MAGI2: variants seen among roughly 807,000 people sequenced by gnomAD.
MAGI2 encodes membrane-associated guanylate kinase, WW and PDZ domain-containing protein 2.
Under a neutral mutation model 133.3 loss-of-function variants are expected in MAGI2, and 35 were observed. The ratio of observed to expected loss-of-function variants is 0.26; its 90% CI spans 0.20 to 0.35. The LOEUF is 0.35. MAGI2 is among the 10% of genes least tolerant of loss of function. MAGI2 has a pLI of 1.00. For missense variants in MAGI2, 1,636 were observed against 1,863.4 expected (o/e 0.88, Z 2.25); for synonymous variants, 729 against 710.6 (o/e 1.03, Z -0.41).
chr7:78,663,392 A>G, intron 2 of MAGI2, among the ~76,000 whole-genome samples: 1 of 151,960 alleles, frequency 6.6e-6, no homozygotes, highest in East Asian at 1.9e-4. Flanking sequence ...TTTTTAGTAC[A>G]GATGGGGTTT....
intron 2 of MAGI2, among the ~76,000 whole-genome samples, chr7:78,674,329 T>C (rs1194084526): frequency 1.3e-5 from 2 of 151,832 alleles, no homozygotes; most frequent in East Asian, 3.9e-4. Context: ...AAGAAAACAA[T>C]ATTTCTTTGA....
chr7:79,123,848 G>A (rs545744110), intron 1 of MAGI2, among the ~76,000 whole-genome samples: 10 of 147,824 alleles, frequency 6.8e-5, no homozygotes, highest in Admixed American at 4.1e-4. Flanking sequence ...CATCTGTAAC[G>A]TGGTATCTAT....
intron 21 of MAGI2, among the ~76,000 whole-genome samples, chr7:78,034,278 A>G (rs1203543584): frequency 6.6e-6 from 1 of 152,148 alleles, no homozygotes; most frequent in African/African-American, 2.4e-5. Flanking sequence ...GGGGGGAAAA[A>G]AGACGAAAGG....
chr7:78,641,990 C>A (rs963497028), intron 2 of MAGI2, among the ~76,000 whole-genome samples: 1 of 152,120 alleles, frequency 6.6e-6, no homozygotes, highest in African/African-American at 2.4e-5. Flanking sequence ...ATCTTGTTGA[C>A]CTTGCTTCCA....
chr7:79,420,842 C>T (rs538522422), intron 1 of MAGI2, among the ~76,000 whole-genome samples: 11 of 152,118 alleles, frequency 7.2e-5, no homozygotes, highest in African/African-American at 2.4e-4. Context: ...ATTTCTGTTG[C>T]ACTATTTCTT....
At chr7:79,445,212 C>T (rs886607398) in intron 1 of MAGI2, among the ~76,000 whole-genome samples, 2 of 152,106 alleles carry the variant, frequency 1.3e-5, no homozygotes, top group Non-Finnish European at 2.9e-5. Context: ...CATAAAAACC[C>T]TAGAAGAAAA....
At chr7:78,573,235 T>TATATATAA (rs1801779945) in intron 3 of MAGI2, among the ~76,000 whole-genome samples, 2 of 51,014 alleles carry the variant, frequency 3.9e-5, no homozygotes, top group African/African-American at 1.9e-4. Context: ...TAAATATAAA[T>TATATATAA]ATATATATAT....
chr7:78,711,953 C>G (rs1819237350), intron 2 of MAGI2, among the ~76,000 whole-genome samples: 1 of 152,082 alleles, frequency 6.6e-6, no homozygotes, highest in Non-Finnish European at 1.5e-5. Flanking sequence ...CTTAAAGAGT[C>G]CTAAGCTTTC....
At chr7:78,668,742 A>G (rs1813950370) in intron 2 of MAGI2, among the ~76,000 whole-genome samples, 1 of 151,880 alleles carries the variant, frequency 6.6e-6, no homozygotes, top group Non-Finnish European at 1.5e-5. Context: ...CAGTGCAATC[A>G]AAGTAGAACT....
rs901561459 is a variant in MAGI2 at position 78,178,076 on chromosome 7, G to A, written c.2338C>T (p.His780Tyr). The A allele has an allele frequency of 8.7e-6, 14 of 1,612,788 alleles. No individual in the cohort carries two copies. The highest frequency in any genetic ancestry group is 1.2e-5 in the Non-Finnish European group (14 of 1,179,018). ...SGPDYKELDV[H>Y]LRRMESGFGF... is the part of the protein sequence containing the mutation. The stretch of plus-strand genomic sequence containing the variant: ...AATCCAGACTCCATCCTCCGAAGAT[G>A]AACATCCAATTCCTTATAATCTGGA... Residue 780 changes from histidine to tyrosine, a missense_variant, in exon 14 of 22, where the codon CAT (histidine) becomes TAT (tyrosine). Transcript: ENST00000354212.
At chr7:78,448,040 G>T (rs192578125) in intron 6 of MAGI2, among the ~76,000 whole-genome samples, 1 of 152,098 alleles carries the variant, frequency 6.6e-6, no homozygotes, top group Non-Finnish European at 1.5e-5. Flanking sequence ...TTTGTGCCTG[G>T]TTTATTTCAT....
chr7:78,662,651 T>C (rs1026497398), intron 2 of MAGI2, among the ~76,000 whole-genome samples: 26 of 152,086 alleles, frequency 1.7e-4, no homozygotes, highest in Non-Finnish European at 1.5e-4. Context: ...TGCACTTCTG[T>C]AAAATATATA....
At chr7:78,729,695 G>C (rs1372812116) in intron 2 of MAGI2, among the ~76,000 whole-genome samples, 3 of 152,160 alleles carry the variant, frequency 2.0e-5, no homozygotes, top group African/African-American at 7.2e-5. Context: ...GCTTCATACT[G>C]TTTTGTCAGA....
intron 2 of MAGI2, among the ~76,000 whole-genome samples, chr7:78,769,141 T>C (rs987750518): frequency 1.3e-5 from 2 of 152,194 alleles, no homozygotes; most frequent in Non-Finnish European, 2.9e-5. Flanking sequence ...CCCTGCATTC[T>C]AGCGCGGGGA....
chr7:78,661,427 A>G (rs1812946073), intron 2 of MAGI2, among the ~76,000 whole-genome samples: 1 of 152,222 alleles, frequency 6.6e-6, no homozygotes, highest in Admixed American at 6.5e-5. Context: ...TCCCTAACTC[A>G]GCATTGCCCA....
chr7:78,998,764 T>C (rs1806567400), intron 2 of MAGI2, among the ~76,000 whole-genome samples: 1 of 152,182 alleles, frequency 6.6e-6, no homozygotes, highest in Non-Finnish European at 1.5e-5. Context: ...CTGTTATCCA[T>C]TGCCATCTGT....
rs371066062 is a variant in MAGI2, at chr7:79,057,736, C to G, written c.302-50530G>C. 1.6e-4 allele frequency among the ~76,000 whole-genome samples: 25 copies of G among 152,226 alleles called. 1 individual carries two copies. The South Asian group carries it at 5.2e-3, about 32-fold the overall frequency. On this transcript the variant is annotated intron_variant, in intron 1 of 21. Coordinates refer to ENST00000354212, the MANE Select transcript of MAGI2 (RefSeq NM_012301.4). Reference sequence around the variant, plus strand: ...GTTCCGAGAACCGATTCACATCTTTCTACCTGGCCTCATGTGTAATTCATG... The same window carrying G: ...GTTCCGAGAACCGATTCACATCTTTGTACCTGGCCTCATGTGTAATTCATG...
chr7:78,955,746 TTTC>T (rs1802292218), intron 2 of MAGI2, among the ~76,000 whole-genome samples: 1 of 70,062 alleles, frequency 1.4e-5, no homozygotes, highest in Non-Finnish European at 3.3e-5. Flanking sequence ...TCTTTCTTTC[TTTC>T]TTTCTTTCTT....
intron 1 of MAGI2, among the ~76,000 whole-genome samples, chr7:79,039,400 T>C (rs979996382): frequency 6.6e-6 from 1 of 152,156 alleles, no homozygotes; most frequent in African/African-American, 2.4e-5. Flanking sequence ...TAGGCTAATA[T>C]AATGTGTCAT....
Sources: gnomAD v4.1 joint callset for allele counts (sites outside exome capture counted in the v4.1 genomes callset) on GRCh38, gnomAD v4.1.1 for gene constraint, MANE v1.5 for transcripts, NCBI Gene and HGNC (gene_info 2026-07-23, HGNC 2026-07-21) for gene names.